Variants in FAM204A observed in about 807,000 individuals in gnomAD.
The protein encoded by FAM204A is protein FAM204A.
A neutral mutation model predicts 35.4 loss-of-function variants in FAM204A; 16 were observed. The observed-to-expected ratio is 0.45, with a 90% CI of 0.31 to 0.69. FAM204A has a LOEUF of 0.69. Among genes scored for constraint, FAM204A ranks in the 30% least tolerant of loss-of-function variants. The pLI is 0.07. For synonymous variants in FAM204A, 76 were observed against 86.9 expected (o/e 0.88, Z 0.70); for missense variants, 240 against 265.7 (o/e 0.90, Z 0.67).
chr10:118,341,386 T>C (rs570310766), intron 2 of FAM204A, among the ~76,000 whole-genome samples: 203 of 152,314 alleles, frequency 1.3e-3, no homozygotes, highest in Non-Finnish European at 7.8e-4. Context: ...GTAATTTACA[T>C]CATAATCAGA....
intron 7 of FAM204A, among the ~76,000 whole-genome samples, chr10:118,316,632 ACTC>A (rs1421055876): frequency 6.6e-6 from 1 of 151,934 alleles, no homozygotes; most frequent in Non-Finnish European, 1.5e-5. Flanking sequence ...TATACCTACA[ACTC>A]CTATCACTTT....
chr10:118,321,411 C>T (rs533532211), intron 7 of FAM204A, among the ~76,000 whole-genome samples: 13 of 152,126 alleles, frequency 8.5e-5, no homozygotes, highest in African/African-American at 2.4e-4. Flanking sequence ...TGTGTCTGAA[C>T]GGCAAACATT....
In FAM204A at chr10:118,335,470, T is replaced by G; in HGVS notation, c.323-44A>C. The G allele has an allele frequency of 2.5e-6, 4 of 1,596,262 alleles. No individual in the cohort carries two copies. In the South Asian group the frequency reaches 3.5e-5, roughly 14 times the overall value. ...GTGTCAATACCTAACTTCAGTAATT[T>G]CAAAACCATATTTTAAAAAAATGGT... On this transcript the variant is annotated intron_variant, in intron 4 of 8. Coordinates refer to ENST00000369183, the MANE Select transcript of FAM204A (RefSeq NM_022063.3).
chr10:118,323,153 G>C (rs1035888331), intron 7 of FAM204A, among the ~76,000 whole-genome samples: 2 of 152,054 alleles, frequency 1.3e-5, no homozygotes, highest in African/African-American at 2.4e-5. Flanking sequence ...AGGAAGACTG[G>C]ACAAGCAACA....
chr10:118,326,073 CT>C, intron 7 of FAM204A, 80 bp downstream of exon 7: 1 of 1,059,414 alleles, frequency 9.4e-7, no homozygotes, highest in South Asian at 1.4e-5. Flanking sequence ...TAATACTGAA[CT>C]TATTAATGAT....
intron 6 of FAM204A, among the ~76,000 whole-genome samples, chr10:118,327,375 T>C (rs1334094231): frequency 6.6e-6 from 1 of 152,214 alleles, no homozygotes; most frequent in Non-Finnish European, 1.5e-5. Context: ...CTGATGTCTG[T>C]TGCTAAGAGA....
intron 7 of FAM204A, among the ~76,000 whole-genome samples, chr10:118,325,467 T>C (rs1846183872): frequency 6.6e-6 from 1 of 151,726 alleles, no homozygotes; most frequent in Non-Finnish European, 1.5e-5. Context: ...AAAAAAAGAC[T>C]ATGGTGGAGA....
At position 118,311,331 on chromosome 10, in the gene FAM204A, G is replaced by GAA. The variant is rs34120011; in HGVS notation, c.544-20_544-19dup. ...ACACCAAGCTAAGAATTACAAAGGA[G>GAA]AAAAAAAAAGTGAAAATAAATATTC... On this transcript the variant is annotated intron_variant, in intron 7 of 8. Coordinates refer to ENST00000369183, the MANE Select transcript of FAM204A (RefSeq NM_022063.3). 7,498 of 1,305,164 alleles carry GAA rather than the reference G, an allele frequency of 5.7e-3. No individual in the cohort carries two copies. The highest frequency in any genetic ancestry group is 6.7e-3 in the Non-Finnish European group (6,287 of 945,000). The allele number at this position is 1,305,164 out of a possible 1,614,324, so 80.8% of individuals were successfully genotyped here. A position where few individuals can be genotyped will look rare whatever the true frequency, so the allele number is the denominator to read the frequency against.
In FAM204A at chr10:118,310,795, G is replaced by A. The variant is rs1845940295; in HGVS notation, c.*62C>T. ...ATTTTCTGACATATTAACATAGGCA[G>A]GAAAACATTCTCAGTAAATTGAGCA... On this transcript the variant is annotated 3_prime_UTR_variant, in exon 9 of 9. Coordinates refer to ENST00000369183, the MANE Select transcript of FAM204A (RefSeq NM_022063.3). 2 of 1,373,344 alleles carry A rather than the reference G, an allele frequency of 1.5e-6. No homozygotes were observed. Among genetic ancestry groups the A allele is most frequent in the African/African-American group, 1.5e-5 (1 of 68,728 alleles). The allele number at this position is 1,373,344 out of a possible 1,614,324, so 85.1% of individuals were successfully genotyped here.
At chr10:118,316,570 C>A (rs150709894) in intron 7 of FAM204A, among the ~76,000 whole-genome samples, 2 of 152,152 alleles carry the variant, frequency 1.3e-5, no homozygotes, top group South Asian at 4.1e-4. Flanking sequence ...CGTTTGTATA[C>A]TACATGTATC....
In FAM204A at chr10:118,307,473, T is replaced by C. The variant is rs916176984; in HGVS notation, c.*3384A>G. 6.6e-6 allele frequency: 1 copy of C among 152,180 alleles called. No individual in the cohort carries two copies. The highest frequency in any genetic ancestry group is 1.9e-4 in the East Asian group (1 of 5,192). The allele number at this position is 152,180 out of a possible 1,614,324, so 9.4% of individuals were successfully genotyped here. ...GCCAAAATGGAAAACTTGGATTCAG[T>C]TGGTTCTGGATTAGACTAGGTTTCA... On this transcript the variant is annotated 3_prime_UTR_variant, in exon 9 of 9. Coordinates refer to ENST00000369183, the MANE Select transcript of FAM204A (RefSeq NM_022063.3).
At chr10:118,317,564 A>AG (rs1292798104) in intron 7 of FAM204A, among the ~76,000 whole-genome samples, 1 of 152,060 alleles carries the variant, frequency 6.6e-6, no homozygotes, top group Non-Finnish European at 1.5e-5. Context: ...AAAACCTGAG[A>AG]GAAAAAAAAC....
Position 118,313,227 on chromosome 10 carries a change from A to C in FAM204A, c.544-1914T>G, listed in dbSNP as rs1308912350. Among the ~76,000 whole-genome samples, 6 of 152,116 alleles carry C rather than the reference A, an allele frequency of 3.9e-5. 1 individual carries two copies. In the South Asian group the frequency reaches 1.2e-3, roughly 32 times the overall value. On this transcript the variant is annotated intron_variant, in intron 7 of 8. Transcript: ENST00000369183. ...ACCTTGCAGTATCCAACAAATATCCAAATCTCACTAGCTAACTTCTATTTC... is the reference window on the plus strand; with the variant it reads ...ACCTTGCAGTATCCAACAAATATCCCAATCTCACTAGCTAACTTCTATTTC...
intron 7 of FAM204A, among the ~76,000 whole-genome samples, chr10:118,319,405 T>TTA (rs1814894987): frequency 6.6e-6 from 1 of 151,976 alleles, no homozygotes; most frequent in African/African-American, 2.4e-5. Flanking sequence ...CATTATTAAC[T>TTA]TTACCTGTAT....
rs900535323 is a variant in FAM204A, at chr10:118,305,905, T to C, written c.*4952A>G. The C allele has an allele frequency of 6.6e-6, 1 of 152,224 alleles. No individual in the cohort carries two copies. Among genetic ancestry groups the C allele is most frequent in the Admixed American group, 6.5e-5 (1 of 15,288 alleles). 9.4% of individuals were successfully genotyped at this position (152,224 alleles called of 1,614,324 possible). A position where few individuals can be genotyped will look rare whatever the true frequency, so the allele number is the denominator to read the frequency against. On this transcript the variant is annotated 3_prime_UTR_variant, in exon 9 of 9. Transcript: ENST00000369183. Reference sequence around the variant, plus strand: ...TCACCCATCTTACAAATGAAAACACTTTTTATTGTGGGCAGTCATAATTGT... The same window carrying C: ...TCACCCATCTTACAAATGAAAACACCTTTTATTGTGGGCAGTCATAATTGT...
chr10:118,336,198 G>A lies in FAM204A; in HGVS notation c.218C>T (p.Pro73Leu). The A allele has an allele frequency of 6.2e-7, 1 of 1,613,542 alleles. No homozygotes were observed. Among genetic ancestry groups the A allele is most frequent in the African/African-American group, 1.3e-5 (1 of 74,958 alleles). ...AAAACCTACATTCCACATATCTATG[G>A]GAATTCCAGAAGGACACTCTTCATA... Reference protein sequence around the residue: ...NAYEECPSGIPIDMWNKFQEL... With the variant: ...NAYEECPSGILIDMWNKFQEL... The change falls in exon 3 of 9, where the codon CCC becomes CTC. Residue 73 changes from proline (P) to leucine (L), a missense_variant. Physicochemically the swap from Pro to Leu is moderately conservative, Grantham distance 98. Around this residue, in one of 2 missense-constraint regions of FAM204A, gnomAD observed 232 missense variants for 242.8 expected, o/e 0.96. Transcript: ENST00000369183.
rs184323449 is a variant in FAM204A at position 118,301,198 on chromosome 10, T to G, written c.*9659A>C. 7 of 152,256 alleles carry G rather than the reference T, an allele frequency of 4.6e-5. No individual in the cohort carries two copies. The highest frequency in any genetic ancestry group is 2.9e-5 in the Non-Finnish European group (2 of 68,048). The allele number at this position is 152,256 out of a possible 1,614,324, so 9.4% of individuals were successfully genotyped here. A position where few individuals can be genotyped will look rare whatever the true frequency, so the allele number is the denominator to read the frequency against. The stretch of plus-strand genomic sequence containing the variant: ...TTTCTTCCAGAAAATTGGCACGTAC[T>G]GTGGAGTAATAACAACATTAGTACT... On this transcript the variant is annotated 3_prime_UTR_variant, in exon 9 of 9. Coordinates refer to ENST00000369183, the MANE Select transcript of FAM204A (RefSeq NM_022063.3).
At chr10:118,323,836 G>A (rs1846156949) in intron 7 of FAM204A, among the ~76,000 whole-genome samples, 1 of 152,060 alleles carries the variant, frequency 6.6e-6, no homozygotes, top group South Asian at 2.1e-4. Flanking sequence ...GATAAGAAAT[G>A]AAGCTACTAT....
chr10:118,316,041 T>C (rs1267027458), intron 7 of FAM204A, among the ~76,000 whole-genome samples: 1 of 152,196 alleles, frequency 6.6e-6, no homozygotes, highest in Non-Finnish European at 1.5e-5. Flanking sequence ...TTTTTCCTTG[T>C]CAGCTATCCC....
Sources: gnomAD v4.1 joint callset for allele counts (sites outside exome capture counted in the v4.1 genomes callset) on GRCh38, gnomAD v4.1.1 for gene constraint, gnomAD v4.1.1 regional missense constraint, MANE v1.5 for transcripts, NCBI Gene and HGNC (gene_info 2026-07-23, HGNC 2026-07-21) for gene names.